Variants in MCUR1 observed in about 807,000 individuals in gnomAD.
MCUR1 encodes mitochondrial calcium uniporter regulator 1, also known as MCU regulator 1.
MCUR1 carries 37 observed loss-of-function variants against 42.0 expected under a neutral mutation model. The ratio of observed to expected loss-of-function variants is 0.88; its 90% CI spans 0.68 to 1.16. MCUR1 has a LOEUF of 1.16. Among genes scored for constraint, MCUR1 ranks in the 50% most tolerant of loss-of-function variants. The probability of loss-of-function intolerance (pLI) is 0.00; values close to 1 mark genes in which losing one functional copy is unlikely to be tolerated. For missense variants in MCUR1, 469 were observed against 468.4 expected, an observed-to-expected ratio of 1.00 and a Z score of -0.01; for synonymous variants, 229 against 196.2, an observed-to-expected ratio of 1.17 and a Z score of -1.40.
At chr6:13,808,821 G>T (rs970762269) in intron 1 of MCUR1, among the ~76,000 whole-genome samples, 4 of 152,164 alleles carry the variant, frequency 2.6e-5, no homozygotes, top group Non-Finnish European at 5.9e-5. Flanking sequence ...GAGGCCTTGT[G>T]TCTGGGCTCT....
rs1295252468 is a variant in MCUR1, at chr6:13,800,385, A to G, written c.742-3T>C. 4 of 1,446,688 alleles carry G rather than the reference A, an allele frequency of 2.8e-6. No individual in the cohort carries two copies. In the East Asian group the frequency reaches 9.4e-5, roughly 34 times the overall value. The allele number at this position is 1,446,688 out of a possible 1,614,324, so 89.6% of individuals were successfully genotyped here. On this transcript the variant is annotated splice_polypyrimidine_tract_variant and splice_region_variant and intron_variant, in intron 4 of 8. Coordinates refer to ENST00000379170, the MANE Select transcript of MCUR1 (RefSeq NM_001031713.4). ...TGATGTAGTTCGAGTTTTATTTTCT[A>G]AAAACACATAAAAAAAAAGTCATTA... is the stretch of plus-strand genomic sequence containing the variant.
Position 13,793,751 on chromosome 6 carries a change from T to G in MCUR1, c.909+143A>C. ...AATGGTTAAGATCCTAATTTTTATG[T>G]TGTGTGTATTTTAGCACAATGTAAA... On this transcript the variant is annotated intron_variant, in intron 7 of 8. Transcript: ENST00000379170. 6.0e-6 allele frequency: 4 copies of G among 667,780 alleles called. No homozygotes were observed. In the South Asian group the frequency reaches 7.4e-5, roughly 12 times the overall value. 41.4% of individuals were successfully genotyped at this position (667,780 alleles called of 1,614,324 possible).
chr6:13,801,196 T>C (rs1759980064), intron 4 of MCUR1, 92 bp downstream of exon 4: 2 of 862,066 alleles, frequency 2.3e-6, no homozygotes, highest in Non-Finnish European at 3.7e-6. Flanking sequence ...TTCACTGAGA[T>C]GTACACTTAA....
At position 13,798,854 on chromosome 6, in the gene MCUR1, T is replaced by C; in HGVS notation, c.834A>G (p.Glu278=). 1 of 1,611,590 alleles carries C rather than the reference T, an allele frequency of 6.2e-7. No individual in the cohort carries two copies. Residue 278 remains glutamate (E), a synonymous_variant, in exon 6 of 9, where the codon GAA becomes GAG. Coordinates refer to ENST00000379170, the MANE Select transcript of MCUR1 (RefSeq NM_001031713.4). The part of the protein sequence containing the change: ...RTDTKLDFNL[E]KSRVKELYSL... Reference sequence around the variant, plus strand: ...GTACCAATTCTTTTACTCTGCTCTTTTCTAGGTTGAAGTCTAATTTGGTAT... The same window carrying C: ...GTACCAATTCTTTTACTCTGCTCTTCTCTAGGTTGAAGTCTAATTTGGTAT...
intron 1 of MCUR1, among the ~76,000 whole-genome samples, chr6:13,809,809 C>A (rs1760192781): frequency 6.6e-6 from 1 of 151,640 alleles, no homozygotes; most frequent in Non-Finnish European, 1.5e-5. Flanking sequence ...GAGGCTGAGG[C>A]AGGAGGATGG....
Position 13,813,836 on chromosome 6 carries a change from C to G in MCUR1, c.415+179G>C, listed in dbSNP as rs551487281. 1.6e-4 allele frequency among the ~76,000 whole-genome samples: 24 copies of G among 152,356 alleles called. No homozygotes were observed. In the East Asian group the frequency reaches 4.4e-3, roughly 28 times the overall value. On this transcript the variant is annotated intron_variant, in intron 1 of 8. Transcript: ENST00000379170. ...TCTCTTCTGGGCTAAGCCCCGCCAC[C>G]GCGGCCGAGCAGGGCGGGCCCGGAC...
chr6:13,801,253 A>G, intron 4 of MCUR1, 35 bp downstream of exon 4: 2 of 1,351,038 alleles, frequency 1.5e-6, no homozygotes, highest in South Asian at 2.4e-5. Context: ...GTCTTAATAT[A>G]ATCAACTTTC....
intron 6 of MCUR1, among the ~76,000 whole-genome samples, chr6:13,795,421 T>C (rs1026921297): frequency 6.6e-6 from 1 of 152,212 alleles, no homozygotes; most frequent in Non-Finnish European, 1.5e-5. Context: ...TATATCCCCA[T>C]GCCCCAGAAG....
chr6:13,795,852 C>A (rs1482315299), intron 6 of MCUR1, among the ~76,000 whole-genome samples: 2 of 152,050 alleles, frequency 1.3e-5, no homozygotes, highest in Non-Finnish European at 2.9e-5. Flanking sequence ...CTTCATGTAA[C>A]CAAACACCAC....
At chr6:13,794,988 C>A (rs1194622125) in intron 6 of MCUR1, among the ~76,000 whole-genome samples, 4 of 152,014 alleles carry the variant, frequency 2.6e-5, no homozygotes, top group Non-Finnish European at 5.9e-5. Context: ...GAGCATATGA[C>A]AATCAGTAAT....
At chr6:13,809,438 G>A (rs898717376) in intron 1 of MCUR1, among the ~76,000 whole-genome samples, 2 of 152,066 alleles carry the variant, frequency 1.3e-5, no homozygotes, top group Non-Finnish European at 1.5e-5. Context: ...AGAGAGCTAT[G>A]TTCTAACAAT....
chr6:13,802,120 CA>C (rs1329221963), intron 3 of MCUR1, 122 bp downstream of exon 3: 5 of 624,206 alleles, frequency 8.0e-6, no homozygotes, highest in Admixed American at 3.1e-5. Context: ...GCCTCTTAAT[CA>C]TGGTAAAAGT....
rs901249476 is a variant in MCUR1, at chr6:13,789,872, C to A, written c.*937G>T. The A allele has an allele frequency of 6.6e-5, 10 of 152,132 alleles. No individual in the cohort carries two copies. Among genetic ancestry groups the A allele is most frequent in the Admixed American group, 3.3e-4 (5 of 15,268 alleles). 9.4% of individuals were successfully genotyped at this position (152,132 alleles called of 1,614,324 possible). On this transcript the variant is annotated 3_prime_UTR_variant, in exon 9 of 9. Transcript: ENST00000379170. ...TTGCATTCTAAGAGGTAAGAGTCCC[C>A]ATTACAATTGCAATGCTTCTTTAGA...
chr6:13,805,401 T>C (rs931864492), intron 2 of MCUR1, among the ~76,000 whole-genome samples: 7 of 152,236 alleles, frequency 4.6e-5, no homozygotes, highest in Admixed American at 3.3e-4. Flanking sequence ...GGAAAAGTTG[T>C]GAAAATTATT....
rs1291985967 is a variant in MCUR1, at chr6:13,814,555, C to T, written c.-126G>A. 2.7e-6 allele frequency: 3 copies of T among 1,105,810 alleles called. No homozygotes were observed. The highest frequency in any genetic ancestry group is 6.7e-5 in the East Asian group (2 of 29,932). The allele number at this position is 1,105,810 out of a possible 1,614,324, so 68.5% of individuals were successfully genotyped here. On this transcript the variant is annotated 5_prime_UTR_variant, in exon 1 of 9. Coordinates refer to ENST00000379170, the MANE Select transcript of MCUR1 (RefSeq NM_001031713.4). ...GGGCCACAGCGCAGGACCGCCCTTT[C>T]CTGCCGGGCGCGCGGGCGGGGCTCG... is the stretch of plus-strand genomic sequence containing the variant.
chr6:13,801,948 C>T (rs1181211395), intron 3 of MCUR1, among the ~76,000 whole-genome samples: 1 of 152,086 alleles, frequency 6.6e-6, no homozygotes, highest in Non-Finnish European at 1.5e-5. Flanking sequence ...TGTGAAGACT[C>T]GAGAACATGA....
chr6:13,806,412 GA>G (rs1220322809), intron 2 of MCUR1, among the ~76,000 whole-genome samples: 4 of 152,152 alleles, frequency 2.6e-5, no homozygotes, highest in African/African-American at 9.7e-5. Flanking sequence ...GTTGTCATAG[GA>G]ATCATTCCTC....
chr6:13,803,729 C>T, intron 2 of MCUR1: 1 of 982,872 alleles, frequency 1.0e-6, no homozygotes, highest in East Asian at 1.1e-4. Flanking sequence ...AGGTTACTCA[C>T]CAAAATGTTA....
chr6:13,803,934 C>T (rs1438774260), intron 2 of MCUR1: 6 of 950,354 alleles, frequency 6.3e-6, no homozygotes, highest in Non-Finnish European at 7.5e-6. Flanking sequence ...GAGTTCAGAA[C>T]CAGCATGGGC....
Sources: gnomAD v4.1 joint callset for allele counts (sites outside exome capture counted in the v4.1 genomes callset) on GRCh38, gnomAD v4.1.1 for gene constraint, MANE v1.5 for transcripts, NCBI Gene and HGNC (gene_info 2026-07-23, HGNC 2026-07-21) for gene names.